The following TSPAN1 variants were observed in gnomAD, a reference collection of about 807,000 sequenced individuals.
The protein encoded by TSPAN1 is tetraspanin 1.
Under a neutral mutation model 26.9 loss-of-function variants are expected in TSPAN1, and 23 were observed. That is an observed-to-expected ratio of 0.85 (90% CI 0.62 to 1.21). The LOEUF (loss-of-function observed/expected upper bound fraction) is 1.21. Among genes scored for constraint, TSPAN1 ranks in the 50% most tolerant of loss-of-function variants. The pLI is 0.00. For missense variants in TSPAN1, 283 were observed against 298.4 expected (o/e 0.95, Z 0.38); for synonymous variants, 115 against 114.8 (o/e 1.00, Z -0.01).
Position 46,176,091 on chromosome 1 carries a change from G to A in TSPAN1, c.-142+682G>A, listed in dbSNP as rs1003872942. On this transcript the variant is annotated intron_variant, in intron 1 of 8. Coordinates refer to ENST00000372003, the MANE Select transcript of TSPAN1 (RefSeq NM_005727.4). ...GGGATTTCACCGTGTTAGCCAGGAT[G>A]GTCTCGATCTCCTGACCTTGTGATC... is the stretch of plus-strand genomic sequence containing the variant. The A allele has an allele frequency of 2.8e-5, 25 of 898,250 alleles. No homozygotes were observed. The African/African-American group carries it at 3.5e-4, about 13-fold the overall frequency. The allele number at this position is 898,250 out of a possible 1,614,324, so 55.6% of individuals were successfully genotyped here.
At chr1:46,193,578 C>CA in the TSPAN1 span, 9 of 1,614,186 alleles carry the variant, frequency 5.6e-6, no homozygotes, top group East Asian at 2.0e-4. Context: ...TAGTAGCCGT[C>CA]AATGAAAACT....
intron 3 of TSPAN1, 31 bp downstream of exon 3, chr1:46,181,195 C>G: frequency 1.2e-6 from 2 of 1,601,682 alleles, no homozygotes; most frequent in Non-Finnish European, 1.7e-6. Flanking sequence ...CTCTTTGGGG[C>G]TCCCTATAGG....
In TSPAN1 at chr1:46,184,288, A is replaced by C; in HGVS notation, c.155A>C (p.Gln52Pro). Residue 52 changes from glutamine to proline, a missense_variant, in exon 4 of 9, where the codon CAG becomes CCG. Coordinates refer to ENST00000372003, the MANE Select transcript of TSPAN1 (RefSeq NM_005727.4). ...IFGPLSSSAM[Q>P]FVNVGYFLIA... ...GGGCCACTGTCGTCCAGTGCCATGC[A>C]GTTTGTCAACGTGGGCTACTTCCTC... The C allele has an allele frequency of 6.2e-7, 1 of 1,614,174 alleles. No homozygotes were observed. The highest frequency in any genetic ancestry group is 8.5e-7 in the Non-Finnish European group (1 of 1,180,034).
chr1:46,192,705 C>A, the TSPAN1 span: 1 of 1,599,622 alleles, frequency 6.3e-7, no homozygotes, highest in Non-Finnish European at 8.5e-7. Flanking sequence ...GGAGTACCTC[C>A]TTCCCCCAAA....
At chr1:46,186,754 T>C (rs1657440308), downstream of TSPAN1, among the ~76,000 whole-genome samples, 1 of 141,770 alleles carries the variant, frequency 7.1e-6, no homozygotes, top group Non-Finnish European at 1.5e-5. Flanking sequence ...CTCCGCCCCC[T>C]GGGGTTCACG....
At chr1:46,193,857 G>C in the TSPAN1 span, 1 of 1,614,122 alleles carries the variant, frequency 6.2e-7, no homozygotes, top group Non-Finnish European at 8.5e-7. Flanking sequence ...AGGCTTACCT[G>C]TACAGGTAAT....
At chr1:46,194,981 A>T in the TSPAN1 span, 1 of 1,611,536 alleles carries the variant, frequency 6.2e-7, no homozygotes, top group Admixed American at 1.7e-5. Flanking sequence ...CAGAGAAGGC[A>T]GTTAGCCTGA....
In TSPAN1 at chr1:46,184,900, G is replaced by A. The variant is rs757567902; in HGVS notation, c.438+17G>A. Reference sequence around the variant, plus strand: ...ATGAAAGGGGTAAGGTTGGCTGGGGGAGGTTTTAGGGTGGAGAGAAAGAAG... The same window carrying A: ...ATGAAAGGGGTAAGGTTGGCTGGGGAAGGTTTTAGGGTGGAGAGAAAGAAG... On this transcript the variant is annotated intron_variant, in intron 6 of 8. Transcript: ENST00000372003. 1.2e-6 allele frequency: 2 copies of A among 1,614,098 alleles called. No homozygotes were observed. Among genetic ancestry groups the A allele is most frequent in the East Asian group, 2.2e-5 (1 of 44,896 alleles).
In TSPAN1 at chr1:46,185,218, C is replaced by T. The variant is rs1376310209; in HGVS notation, c.595-7C>T. The T allele has an allele frequency of 6.2e-7, 1 of 1,614,140 alleles. No individual in the cohort carries two copies. Among genetic ancestry groups the T allele is most frequent in the Non-Finnish European group, 8.5e-7 (1 of 1,180,038 alleles). On this transcript the variant is annotated splice_region_variant and splice_polypyrimidine_tract_variant and intron_variant, in intron 7 of 8. Transcript: ENST00000372003. ...CCAACTATAAATGCTCTTTTCTCTT[C>T]CTGAAGGGTTGCTTCAATCAGCTTT...
chr1:46,192,147 C>T, the TSPAN1 span: 16 of 1,613,994 alleles, frequency 9.9e-6, no homozygotes, highest in South Asian at 9.9e-5. Context: ...GTGGTAGGAT[C>T]GGGAAACGTC....
rs1200959131 is a variant in TSPAN1 at position 46,185,365 on chromosome 1, C to T, written c.678+57C>T. 4 of 1,609,940 alleles carry T rather than the reference C, an allele frequency of 2.5e-6. No individual in the cohort carries two copies. In the African/African-American group the frequency reaches 5.3e-5, roughly 22 times the overall value. On this transcript the variant is annotated intron_variant, in intron 8 of 8. Coordinates refer to ENST00000372003, the MANE Select transcript of TSPAN1 (RefSeq NM_005727.4). Reference sequence around the variant, plus strand: ...TGGGCATGAGACCAGGGCTGCTCAACCCATCTGAGGCCTCTCTGGAGGAAA... The same window carrying T: ...TGGGCATGAGACCAGGGCTGCTCAATCCATCTGAGGCCTCTCTGGAGGAAA...
downstream of TSPAN1, among the ~76,000 whole-genome samples, chr1:46,186,961 C>T (rs1383166962): frequency 1.3e-5 from 2 of 152,170 alleles, no homozygotes; most frequent in African/African-American, 4.8e-5. Context: ...CGTGCCCGGC[C>T]ACGCCCGGCT....
the TSPAN1 span, chr1:46,195,052 T>A: frequency 1.8e-6 from 2 of 1,095,356 alleles, no homozygotes; most frequent in Non-Finnish European, 1.4e-6. Flanking sequence ...ACCTTTTACT[T>A]AAAATAGCTC....
chr1:46,192,481 T>C, the TSPAN1 span: 3 of 1,614,114 alleles, frequency 1.9e-6, no homozygotes, highest in Non-Finnish European at 2.5e-6. Context: ...TGAGGCCTCA[T>C]AAACTCGCCT....
rs556863534 is a variant in TSPAN1, at chr1:46,185,697, C to T, written c.*164C>T. 2.7e-6 allele frequency: 2 copies of T among 754,240 alleles called. No homozygotes were observed. The highest frequency in any genetic ancestry group is 4.8e-5 in the Admixed American group (2 of 41,390). The allele number at this position is 754,240 out of a possible 1,614,324, so 46.7% of individuals were successfully genotyped here. ...ACTTGGGGCTAGATAGGGACCACTCCTTTTAGGCGATGCCTGACTTTCCTT... is the reference window on the plus strand; with the variant it reads ...ACTTGGGGCTAGATAGGGACCACTCTTTTTAGGCGATGCCTGACTTTCCTT... On this transcript the variant is annotated 3_prime_UTR_variant, in exon 9 of 9. Coordinates refer to ENST00000372003, the MANE Select transcript of TSPAN1 (RefSeq NM_005727.4).
chr1:46,179,602 G>A (rs534210736), intron 1 of TSPAN1, among the ~76,000 whole-genome samples: 17 of 152,224 alleles, frequency 1.1e-4, no homozygotes, highest in African/African-American at 3.1e-4. Flanking sequence ...CTTTTCCCCC[G>A]CACCTCTACA....
chr1:46,192,069 C>T, the TSPAN1 span: 30 of 1,604,658 alleles, frequency 1.9e-5, no homozygotes, highest in Non-Finnish European at 2.5e-5. Flanking sequence ...TCATGCCACA[C>T]TGTGCCCTGC....
rs774978571 is a variant in TSPAN1, at chr1:46,184,577, C to A, written c.265-17C>A. On this transcript the variant is annotated splice_polypyrimidine_tract_variant and intron_variant, in intron 4 of 8. Coordinates refer to ENST00000372003, the MANE Select transcript of TSPAN1 (RefSeq NM_005727.4). ...GACTGTCTCTCCCTAAAACCCAGAC[C>A]CCTGTTCCCCACTCAGTTCTTCTTC... The A allele has an allele frequency of 1.2e-6, 2 of 1,613,946 alleles. No individual in the cohort carries two copies. Among genetic ancestry groups the A allele is most frequent in the South Asian group, 2.2e-5 (2 of 91,076 alleles).
chr1:46,193,509 A>C, the TSPAN1 span: 1 of 1,613,854 alleles, frequency 6.2e-7, no homozygotes, highest in African/African-American at 1.3e-5. Flanking sequence ...GTCCCTGGCA[A>C]TCACTGCTGC....
Sources: allele counts gnomAD v4.1 joint callset (sites outside exome capture counted in the v4.1 genomes callset), GRCh38; gene constraint gnomAD v4.1.1; transcripts MANE v1.5; gene names NCBI Gene and HGNC (gene_info 2026-07-23, HGNC 2026-07-21).